GTF2F2: variants seen among roughly 807,000 people sequenced by gnomAD.
GTF2F2 encodes the protein ATP-dependent helicase GTF2F2.
GTF2F2 carries 23 observed loss-of-function variants against 42.2 expected under a neutral mutation model. The ratio of observed to expected loss-of-function variants is 0.55; its 90% CI spans 0.39 to 0.77. The LOEUF (loss-of-function observed/expected upper bound fraction) is 0.77. Ranked by LOEUF, GTF2F2 falls within the 30% of genes least tolerant of loss-of-function variation. The probability of loss-of-function intolerance (pLI) is 0.00; values close to 1 mark genes in which losing one functional copy is unlikely to be tolerated. For synonymous variants in GTF2F2, 105 were observed against 100.8 expected (o/e 1.04, Z -0.25); for missense variants, 261 against 287.2 (o/e 0.91, Z 0.66).
At position 45,234,946 on chromosome 13, in the gene GTF2F2, G is replaced by A. The variant is rs115663852; in HGVS notation, c.387-17925G>A. Among the ~76,000 whole-genome samples, 465 of 150,824 alleles carry A rather than the reference G, an allele frequency of 3.1e-3. 2 individuals are homozygous for A. Among genetic ancestry groups the A allele is most frequent in the African/African-American group, 9.4e-3 (385 of 41,142 alleles). ...TGTAATCCCAGCTATTCGGGAGGCCGAGGTGGGAGAATCGCCTGAACCCAG... is the reference window on the plus strand; with the variant it reads ...TGTAATCCCAGCTATTCGGGAGGCCAAGGTGGGAGAATCGCCTGAACCCAG... On this transcript the variant is annotated intron_variant, in intron 5 of 7. Transcript: ENST00000340473.
intron 7 of GTF2F2, among the ~76,000 whole-genome samples, chr13:45,275,287 G>T (rs1171804250): frequency 3.9e-5 from 6 of 152,044 alleles, no homozygotes; most frequent in Non-Finnish European, 8.8e-5. Context: ...TCAAGTTCTG[G>T]ATATAAAATG....
intron 5 of GTF2F2, among the ~76,000 whole-genome samples, chr13:45,242,850 C>T (rs1875387370): frequency 6.6e-6 from 1 of 152,174 alleles, no homozygotes; most frequent in Non-Finnish European, 1.5e-5. Flanking sequence ...GATTTATTGA[C>T]TAAAACTTAC....
At chr13:45,244,671 A>G (rs1875494533) in intron 5 of GTF2F2, among the ~76,000 whole-genome samples, 1 of 152,082 alleles carries the variant, frequency 6.6e-6, no homozygotes, top group Non-Finnish European at 1.5e-5. Flanking sequence ...GTTAGTCATT[A>G]TTTCTTTCTC....
Position 45,121,008 on chromosome 13 carries a change from G to C in GTF2F2, c.66+287G>C, listed in dbSNP as rs189142897. 6.8e-4 allele frequency among the ~76,000 whole-genome samples: 103 copies of C among 152,296 alleles called. 1 individual carries two copies. Among genetic ancestry groups the C allele is most frequent in the Non-Finnish European group, 1.3e-3 (86 of 68,030 alleles). On this transcript the variant is annotated intron_variant, in intron 1 of 7. Coordinates refer to ENST00000340473, the MANE Select transcript of GTF2F2 (RefSeq NM_004128.3). ...GTCTTGGTGTCCCCAGATTTGGACG[G>C]TGCATTTTATCCCAGACTGAAGAAT...
At chr13:45,148,011 A>C (rs1354004159) in intron 2 of GTF2F2, among the ~76,000 whole-genome samples, 1 of 152,160 alleles carries the variant, frequency 6.6e-6, no homozygotes, top group Non-Finnish European at 1.5e-5. Context: ...GTCTATTTTC[A>C]TTAAACTGGG....
Position 45,252,937 on chromosome 13 carries a change from C to T in GTF2F2, c.453C>T (p.Thr151=), listed in dbSNP as rs1176406207. 3 of 1,479,088 alleles carry T rather than the reference C, an allele frequency of 2.0e-6. No individual in the cohort carries two copies. The highest frequency in any genetic ancestry group is 5.2e-5 in the East Asian group (2 of 38,144). 91.6% of individuals were successfully genotyped at this position (1,479,088 alleles called of 1,614,324 possible). ...AACAGCTGGACAAAGTTGTAACAAC[C>T]AATTACAAACCTGTTGCTAATCATC... ...LSQQLDKVVT[T]NYKPVANHQY... Residue 151 remains threonine, a synonymous_variant, in exon 6 of 8, where the codon ACC becomes ACT. Coordinates refer to ENST00000340473, the MANE Select transcript of GTF2F2 (RefSeq NM_004128.3).
chr13:45,130,608 A>G (rs1869295350), intron 1 of GTF2F2, among the ~76,000 whole-genome samples: 1 of 152,166 alleles, frequency 6.6e-6, no homozygotes. Context: ...CTGGAGTTGG[A>G]TATAATCTGA....
intron 4 of GTF2F2, among the ~76,000 whole-genome samples, chr13:45,176,806 G>A (rs746435075): frequency 5.3e-5 from 8 of 150,268 alleles, no homozygotes; most frequent in African/African-American, 2.0e-4. Flanking sequence ...TTTTTTTTTG[G>A]GGGGGACGGT....
chr13:45,221,722 G>A (rs1303164231), intron 5 of GTF2F2, among the ~76,000 whole-genome samples: 1 of 112,068 alleles, frequency 8.9e-6, no homozygotes, highest in African/African-American at 3.4e-5. Flanking sequence ...CCACTTCCCT[G>A]CTTATTGCAG....
At chr13:45,215,682 A>G (rs1873857374) in intron 5 of GTF2F2, among the ~76,000 whole-genome samples, 1 of 151,476 alleles carries the variant, frequency 6.6e-6, no homozygotes, top group Non-Finnish European at 1.5e-5. Context: ...AATCACTAGA[A>G]CCCAGGAGGC....
At chr13:45,236,947 TATC>T (rs1875023775) in intron 5 of GTF2F2, among the ~76,000 whole-genome samples, 1 of 152,222 alleles carries the variant, frequency 6.6e-6, no homozygotes, top group Non-Finnish European at 1.5e-5. Context: ...AAAAAATGGT[TATC>T]ATGAGTAATC....
chr13:45,174,177 T>A (rs75076054), intron 4 of GTF2F2, among the ~76,000 whole-genome samples: 4,348 of 152,290 alleles, frequency 0.029, 189 homozygotes, highest in African/African-American at 0.093. Flanking sequence ...TGTGTATAGA[T>A]CTTTGTGTGA....
At position 45,125,874 on chromosome 13, in the gene GTF2F2, A is replaced by G. The variant is rs567100250; in HGVS notation, c.66+5153A>G. On this transcript the variant is annotated intron_variant, in intron 1 of 7. Coordinates refer to ENST00000340473, the MANE Select transcript of GTF2F2 (RefSeq NM_004128.3). ...TTAAGCAAGATTGGGTAGAGCATGT[A>G]AGGCAGTCTCAGTGAAAAGCCAGGA... 1.4e-4 allele frequency among the ~76,000 whole-genome samples: 21 copies of G among 152,260 alleles called. 1 individual carries two copies. The highest frequency in any genetic ancestry group is 4.6e-4 in the African/African-American group (19 of 41,548).
chr13:45,169,873 C>T (rs1324223741), intron 4 of GTF2F2, among the ~76,000 whole-genome samples: 1 of 152,092 alleles, frequency 6.6e-6, no homozygotes. Flanking sequence ...AACCTTCAAG[C>T]ATAAGTTTAC....
intron 6 of GTF2F2, among the ~76,000 whole-genome samples, chr13:45,262,908 G>A (rs956440253): frequency 6.6e-6 from 1 of 151,268 alleles, no homozygotes; most frequent in Non-Finnish European, 1.5e-5. Context: ...GGCTAATTTT[G>A]TAGAGATGGG....
chr13:45,124,315 C>T (rs1034142296), intron 1 of GTF2F2, among the ~76,000 whole-genome samples: 20 of 151,338 alleles, frequency 1.3e-4, no homozygotes, highest in African/African-American at 4.6e-4. Context: ...ATCTCCTGAC[C>T]TTGTGATCCA....
rs1028748984 is a variant in GTF2F2 at position 45,163,390 on chromosome 13, G to A, written c.304+11559G>A. The stretch of plus-strand genomic sequence containing the variant: ...TCTCTACTAAAAATAAAAAAAATTA[G>A]CCAGGCATGGTGGCGCACGCTTGTA... On this transcript the variant is annotated intron_variant, in intron 4 of 7. Transcript: ENST00000340473. 2.6e-5 allele frequency among the ~76,000 whole-genome samples: 4 copies of A among 152,042 alleles called. No homozygotes were observed. In the East Asian group the frequency reaches 5.8e-4, roughly 22 times the overall value.
chr13:45,129,083 A>G (rs1869202606), intron 1 of GTF2F2, among the ~76,000 whole-genome samples: 2 of 152,222 alleles, frequency 1.3e-5, no homozygotes, highest in South Asian at 2.1e-4. Context: ...TTGAAGAAGT[A>G]TGATCTCATT....
Position 45,128,164 on chromosome 13 carries a change from G to T in GTF2F2, c.66+7443G>T, listed in dbSNP as rs181632459. On this transcript the variant is annotated intron_variant, in intron 1 of 7. Coordinates refer to ENST00000340473, the MANE Select transcript of GTF2F2 (RefSeq NM_004128.3). ...TTTAGTAGAGATGGGGTTTCACCATGTTAGCTAGGATGGTCTTGATCTCCT... is the reference window on the plus strand; with the variant it reads ...TTTAGTAGAGATGGGGTTTCACCATTTTAGCTAGGATGGTCTTGATCTCCT... 2.8e-3 allele frequency among the ~76,000 whole-genome samples: 404 copies of T among 146,326 alleles called. 2 individuals are homozygous for T. Among genetic ancestry groups the T allele is most frequent in the Non-Finnish European group, 3.0e-3 (198 of 66,254 alleles).
Sources: gnomAD v4.1 joint callset for allele counts (sites outside exome capture counted in the v4.1 genomes callset) on GRCh38, gnomAD v4.1.1 for gene constraint, MANE v1.5 for transcripts, NCBI Gene and HGNC (gene_info 2026-07-23, HGNC 2026-07-21) for gene names.